Variants in ZBTB46 observed in about 807,000 individuals in gnomAD.
ZBTB46 encodes the protein zinc finger and BTB domain-containing protein 46.
ZBTB46 carries 8 observed loss-of-function variants against 44.1 expected under a neutral mutation model. The observed-to-expected ratio is 0.18, with a 90% confidence interval of 0.11 to 0.33. The LOEUF (loss-of-function observed/expected upper bound fraction) is 0.33. Ranked by LOEUF, ZBTB46 falls within the 10% of genes least tolerant of loss-of-function variation. ZBTB46 has a pLI of 1.00. For missense variants in ZBTB46, 651 were observed against 847.7 expected, an observed-to-expected ratio of 0.77 and a Z score of 2.88; for synonymous variants, 409 against 382.3, an observed-to-expected ratio of 1.07 and a Z score of -0.81.
At chr20:63,793,663 A>ACAGAAGCAGAGGC (rs1428845660) in intron 1 of ZBTB46, among the ~76,000 whole-genome samples, 1 of 152,096 alleles carries the variant, frequency 6.6e-6, no homozygotes, top group Non-Finnish European at 1.5e-5. Flanking sequence ...CAGAGATTTT[A>ACAGAAGCAGAGGC]TAGAAGCAGC....
intron 3 of ZBTB46, among the ~76,000 whole-genome samples, chr20:63,771,368 G>A (rs1008318239): frequency 2.0e-5 from 3 of 152,156 alleles, no homozygotes; most frequent in African/African-American, 7.2e-5. Flanking sequence ...ACGGCTCTGC[G>A]TCCATGACCC....
At chr20:63,808,512 T>C (rs565514049) in intron 1 of ZBTB46, among the ~76,000 whole-genome samples, 12 of 152,182 alleles carry the variant, frequency 7.9e-5, no homozygotes, top group African/African-American at 2.6e-4. Context: ...CTCTTCCTCC[T>C]AGGGCAGGGC....
intron 1 of ZBTB46, among the ~76,000 whole-genome samples, chr20:63,806,841 G>A (rs2092684735): frequency 6.6e-6 from 1 of 151,606 alleles, no homozygotes; most frequent in Non-Finnish European, 1.5e-5. Context: ...GGAGTGCAGT[G>A]GCGCCATCTC....
intron 1 of ZBTB46, among the ~76,000 whole-genome samples, chr20:63,824,639 G>A (rs1383009031): frequency 7.5e-6 from 1 of 134,074 alleles, no homozygotes; most frequent in East Asian, 2.1e-4. Flanking sequence ...CCGTTCTTCT[G>A]GGTGCTCTGA....
intron 3 of ZBTB46, among the ~76,000 whole-genome samples, chr20:63,760,999 C>CTT (rs372831458): frequency 1.3e-4 from 16 of 127,910 alleles, no homozygotes; most frequent in African/African-American, 1.8e-4. Context: ...ATTGATAGCT[C>CTT]TTTTTTTTTT....
intron 1 of ZBTB46, among the ~76,000 whole-genome samples, chr20:63,819,945 C>T (rs1316948593): frequency 3.9e-5 from 6 of 152,190 alleles, no homozygotes; most frequent in Admixed American, 6.6e-5. Flanking sequence ...ATAAAAGCAA[C>T]GAAATACTAT....
rs201397977 is a variant in ZBTB46, at chr20:63,775,983, G to A, written c.938-21C>T. On this transcript the variant is annotated intron_variant, in intron 2 of 4. Transcript: ENST00000245663. ...CGCATCTGGGGACAGAGGGACACAC[G>A]TCAGAAGACACGGGTCGTTCCCAGA... is the stretch of plus-strand genomic sequence containing the variant. The A allele has an allele frequency of 2.5e-4, 380 of 1,523,910 alleles. 2 individuals are homozygous for A. Among genetic ancestry groups the A allele is most frequent in the Middle Eastern group, 1.4e-3 (8 of 5,666 alleles). The allele number at this position is 1,523,910 out of a possible 1,614,324, so 94.4% of individuals were successfully genotyped here.
At chr20:63,764,164 C>T (rs535510452) in intron 3 of ZBTB46, among the ~76,000 whole-genome samples, 6 of 152,140 alleles carry the variant, frequency 3.9e-5, no homozygotes, top group African/African-American at 1.4e-4. Context: ...AGGCCAAGCA[C>T]GGTGGCTCAT....
At chr20:63,831,336 C>T (rs2092850937), upstream of ZBTB46, 1 of 141,172 alleles carries the variant, frequency 7.1e-6, no homozygotes, top group Non-Finnish European at 1.6e-5. Context: ...GACCCTGACC[C>T]CGCCCCCCGG....
In ZBTB46 at chr20:63,746,605, C is replaced by T. The variant is rs907128415; in HGVS notation, c.*325G>A. 1.9e-5 allele frequency: 6 copies of T among 316,698 alleles called. No homozygotes were observed. Among genetic ancestry groups the T allele is most frequent in the Admixed American group, 1.5e-4 (3 of 20,268 alleles). 19.6% of individuals were successfully genotyped at this position (316,698 alleles called of 1,614,324 possible). A position where few individuals can be genotyped will look rare whatever the true frequency, so the allele number is the denominator to read the frequency against. The stretch of plus-strand genomic sequence containing the variant: ...ACTGGACCCGGCCACAGGCCCATCA[C>T]GTGTCCAAGCCAGGCTGGCCATCAC... On this transcript the variant is annotated 3_prime_UTR_variant, in exon 5 of 5. Transcript: ENST00000245663.
intron 1 of ZBTB46, among the ~76,000 whole-genome samples, chr20:63,817,944 C>T (rs545967044): frequency 6.6e-6 from 1 of 152,244 alleles, no homozygotes; most frequent in Non-Finnish European, 1.5e-5. Flanking sequence ...AGCCTCCAGC[C>T]CTGTGACAGA....
At chr20:63,774,590 G>A (rs1382534363) in intron 3 of ZBTB46, among the ~76,000 whole-genome samples, 1 of 152,194 alleles carries the variant, frequency 6.6e-6, no homozygotes, top group East Asian at 1.9e-4. Context: ...GCCGCATGCT[G>A]AGTGCCAGCT....
intron 2 of ZBTB46, among the ~76,000 whole-genome samples, chr20:63,779,230 TTAATTAATTAA>T (rs2092449189): frequency 6.6e-6 from 1 of 151,158 alleles, no homozygotes; most frequent in Non-Finnish European, 1.5e-5. Flanking sequence ...TTTTATTTAA[TTAATTAATTAA>T]TTTATTTATT....
intron 1 of ZBTB46, among the ~76,000 whole-genome samples, chr20:63,800,854 C>A (rs1233456623): frequency 6.6e-6 from 1 of 152,228 alleles, no homozygotes; most frequent in South Asian, 2.1e-4. Flanking sequence ...GCTTCCCTGA[C>A]GAGTGCCCCT....
chr20:63,797,026 C>T (rs1478741678), intron 1 of ZBTB46, among the ~76,000 whole-genome samples: 1 of 151,988 alleles, frequency 6.6e-6, no homozygotes, highest in East Asian at 1.9e-4. Flanking sequence ...TTTATATATA[C>T]TTTAAGTTCT....
intron 3 of ZBTB46, among the ~76,000 whole-genome samples, chr20:63,763,720 T>C (rs777711739): frequency 6.6e-6 from 1 of 152,200 alleles, no homozygotes; most frequent in Non-Finnish European, 1.5e-5. Context: ...TCAAGAATTA[T>C]TCCATTTCTT....
chr20:63,814,181 C>T (rs181956777), intron 1 of ZBTB46, among the ~76,000 whole-genome samples: 1 of 147,718 alleles, frequency 6.8e-6, no homozygotes, highest in East Asian at 2.0e-4. Context: ...TGCAGTGAGC[C>T]GAGATCACGC....
intron 1 of ZBTB46, among the ~76,000 whole-genome samples, chr20:63,815,482 AGTG>A (rs2092744887): frequency 7.0e-6 from 1 of 143,570 alleles, no homozygotes; most frequent in Non-Finnish European, 1.5e-5. Context: ...GCATAGGTGC[AGTG>A]AGTGCAGGTG....
intron 1 of ZBTB46, among the ~76,000 whole-genome samples, chr20:63,829,873 G>C (rs985362454): frequency 1.4e-4 from 22 of 152,230 alleles, no homozygotes; most frequent in African/African-American, 5.1e-4. Flanking sequence ...TGATAATAGA[G>C]CCAATATGAA....
Sources: gnomAD v4.1 joint callset for allele counts (sites outside exome capture counted in the v4.1 genomes callset) on GRCh38, gnomAD v4.1.1 for gene constraint, MANE v1.5 for transcripts, NCBI Gene and HGNC (gene_info 2026-07-23, HGNC 2026-07-21) for gene names.